Variants in COL9A1 observed in about 807,000 individuals in gnomAD.
COL9A1 encodes collagen type IX alpha 1 chain.
Under a neutral mutation model 142.6 loss-of-function variants are expected in COL9A1, and 104 were observed. The observed-to-expected ratio is 0.73, with a 90% CI of 0.62 to 0.86. The LOEUF (loss-of-function observed/expected upper bound fraction) is 0.86, where lower values mean the gene tolerates loss of function less well. Among genes scored for constraint, COL9A1 ranks in the 40% least tolerant of loss-of-function variants. The pLI is 0.00. For synonymous variants in COL9A1, 466 were observed against 396.0 expected, an observed-to-expected ratio of 1.18 and a Z score of -2.10; for missense variants, 1,210 against 1,176.6, an observed-to-expected ratio of 1.03 and a Z score of -0.42.
chr6:70,286,244 A>T (rs1479461570), intron 5 of COL9A1, among the ~76,000 whole-genome samples: 1 of 152,216 alleles, frequency 6.6e-6, no homozygotes, highest in Non-Finnish European at 1.5e-5. Context: ...TCAAGGTTAC[A>T]GTAATGCCCA....
chr6:70,235,292 A>C (rs2127560243), intron 33 of COL9A1, among the ~76,000 whole-genome samples: 1 of 152,214 alleles, frequency 6.6e-6, no homozygotes, highest in Admixed American at 6.5e-5. Flanking sequence ...GTCTCTACTA[A>C]AAATACAAAA....
In COL9A1 at chr6:70,266,704, C is replaced by T. The variant is rs1282623903; in HGVS notation, c.1341+13G>A. ...TAATCACAATTTATCCACTAAATAC[C>T]CATTTTCCTTACCTTGTGTCCTTGT... is the stretch of plus-strand genomic sequence containing the variant. On this transcript the variant is annotated intron_variant, in intron 18 of 37. Transcript: ENST00000357250. 2.5e-6 allele frequency: 4 copies of T among 1,605,912 alleles called. No individual in the cohort carries two copies. The African/African-American group carries it at 5.4e-5, about 21-fold the overall frequency.
chr6:70,298,765 T>G (rs1279564919), intron 4 of COL9A1, among the ~76,000 whole-genome samples: 1 of 152,232 alleles, frequency 6.6e-6, no homozygotes, highest in Non-Finnish European at 1.5e-5. Context: ...AAAACTGAAT[T>G]TTTAAAGCTT....
intron 28 of COL9A1, among the ~76,000 whole-genome samples, chr6:70,251,334 C>T (rs1031694098): frequency 1.6e-4 from 24 of 151,956 alleles, no homozygotes; most frequent in African/African-American, 2.9e-4. Context: ...CTCTTGAAGC[C>T]GGGAGTTCAA....
At chr6:70,274,862 C>G in intron 10 of COL9A1, 90 bp from the exon 11 acceptor site, 4 of 975,686 alleles carry the variant, frequency 4.1e-6, no homozygotes, top group Non-Finnish European at 6.5e-6. Flanking sequence ...TATTAATTGT[C>G]TACAGGATGG....
intron 22 of COL9A1, 26 bp downstream of exon 22, chr6:70,255,310 GC>G: frequency 2.5e-6 from 4 of 1,613,158 alleles, no homozygotes; most frequent in Non-Finnish European, 3.4e-6. Context: ...AAAGCAGGAG[GC>G]TTGGAGTGAC....
chr6:70,234,234 AAG>A (rs1769741282), intron 35 of COL9A1, among the ~76,000 whole-genome samples: 1 of 129,176 alleles, frequency 7.7e-6, no homozygotes, highest in Non-Finnish European at 1.9e-5. Context: ...CAAAGGAAAA[AAG>A]TGTGTGTGTG....
At chr6:70,236,420 G>A (rs1184406149) in intron 33 of COL9A1, among the ~76,000 whole-genome samples, 2 of 152,308 alleles carry the variant, frequency 1.3e-5, no homozygotes, top group South Asian at 2.1e-4. Context: ...TACTGCTGCT[G>A]TTCAGAATAA....
chr6:70,299,562 G>A (rs1248912084), intron 4 of COL9A1, among the ~76,000 whole-genome samples: 1 of 152,114 alleles, frequency 6.6e-6, no homozygotes, highest in Non-Finnish European at 1.5e-5. Flanking sequence ...TACTATCATT[G>A]TTTCTATTAT....
In COL9A1 at chr6:70,240,698, CCT is replaced by C; in HGVS notation, c.2068_2069del (p.Arg690GlyfsTer17). The C allele has an allele frequency of 1.9e-6, 3 of 1,612,936 alleles. No homozygotes were observed. Among genetic ancestry groups the C allele is most frequent in the Non-Finnish European group, 2.5e-6 (3 of 1,179,356 alleles). On this transcript the variant is annotated frameshift_variant, in exon 32 of 38. Coordinates refer to ENST00000357250, the MANE Select transcript of COL9A1 (RefSeq NM_001851.6). LOFTEE classifies it high-confidence loss of function. ...AAAAAAAAAATCTTACAAGTTCCCC[CCT>C]TTCTCCTGCTTCACCTTCTTCACCA... The part of the protein sequence containing the change: ...ASGEEGEAGE[R>X]GELGDIGLPG...
In COL9A1 at chr6:70,281,456, G is replaced by A. The variant is rs1199472181; in HGVS notation, c.810C>T (p.Pro270=). 1.9e-6 allele frequency: 3 copies of A among 1,612,234 alleles called. No homozygotes were observed. In the African/African-American group the frequency reaches 4.0e-5, roughly 22 times the overall value. The change falls in exon 8 of 38, where the codon CCC becomes CCT. Residue 270 remains proline (P), a synonymous_variant. Coordinates refer to ENST00000357250, the MANE Select transcript of COL9A1 (RefSeq NM_001851.6). ...TPSQTTDERG[P]PGEQGPPGPP... ...GCCCGGGAGGACCCTGCTCACCCGG[G>A]GGACCTCTCTGGCAAAAATAGCAGA... is the stretch of plus-strand genomic sequence containing the variant.
chr6:70,268,218 G>A (rs1046225191), intron 17 of COL9A1, among the ~76,000 whole-genome samples: 3 of 149,046 alleles, frequency 2.0e-5, no homozygotes, highest in Non-Finnish European at 3.0e-5. Context: ...TTAATAGGAA[G>A]CACTTTTTTT....
At chr6:70,247,311 T>C (rs1197380355) in intron 28 of COL9A1, among the ~76,000 whole-genome samples, 2 of 152,252 alleles carry the variant, frequency 1.3e-5, no homozygotes, top group African/African-American at 4.8e-5. Context: ...AGGTTTTCCT[T>C]TTAAAATGGA....
At chr6:70,226,050 T>A in intron 36 of COL9A1, 41 bp from the exon 37 acceptor site, 2 of 1,513,176 alleles carry the variant, frequency 1.3e-6, no homozygotes, top group Non-Finnish European at 1.8e-6. Context: ...TACATATCTA[T>A]AAAAATAAAC....
chr6:70,302,083 G>A lies in COL9A1; in HGVS notation c.15-9C>T. 1 of 1,603,580 alleles carries A rather than the reference G, an allele frequency of 6.2e-7. No individual in the cohort carries two copies. Among genetic ancestry groups the A allele is most frequent in the South Asian group, 1.1e-5 (1 of 89,456 alleles). On this transcript the variant is annotated splice_polypyrimidine_tract_variant and intron_variant, in intron 1 of 37. Coordinates refer to ENST00000357250, the MANE Select transcript of COL9A1 (RefSeq NM_001851.6). ...AGAAAACTGGAATTTTCCTGAAGAA[G>A]AGAGAAGAAAAATGACTGAAACAGG...
rs1177825428 is a variant in COL9A1, at chr6:70,294,455, G to GGAATCCT, written c.401_407dup (p.Ser137GlyfsTer13). ...TTATGCCAACTTGCTCCTTCCCAGA[G>GGAATCCT]GAATCCTGAATCTGCCAAATGTTCC... On this transcript the variant is annotated frameshift_variant, in exon 5 of 38. Transcript: ENST00000357250. LOFTEE classifies it high-confidence loss of function. The GGAATCCT allele has an allele frequency of 6.2e-7, 1 of 1,614,118 alleles. No individual in the cohort carries two copies. Among genetic ancestry groups the GGAATCCT allele is most frequent in the Admixed American group, 1.7e-5 (1 of 60,000 alleles).
intron 5 of COL9A1, among the ~76,000 whole-genome samples, chr6:70,284,599 G>A (rs1361489236): frequency 1.3e-5 from 2 of 152,194 alleles, no homozygotes; most frequent in Non-Finnish European, 2.9e-5. Context: ...AACAAACAGA[G>A]CAAGGAAAAT....
rs1348456714 is a variant in COL9A1, at chr6:70,255,173, G to A, written c.1588C>T (p.Leu530Phe). 2.5e-6 allele frequency: 4 copies of A among 1,614,188 alleles called. No individual in the cohort carries two copies. Among genetic ancestry groups the A allele is most frequent in the Admixed American group, 1.7e-5 (1 of 60,030 alleles). ...GAEGARGIPG[L>F]PGPKGDTGLP... is the part of the protein sequence containing the mutation. ...ACCGTGTCTCCTTTGGGCCCAGGGA[G>A]ACCAGGAATTCCTCTAGCACCTTCA... The change falls in exon 23 of 38, where the codon CTC becomes TTC. Residue 530 changes from leucine (L) to phenylalanine (F), a missense_variant. By Grantham distance (22) the Leu-to-Phe change is conservative (BLOSUM62 0). Coordinates refer to ENST00000357250, the MANE Select transcript of COL9A1 (RefSeq NM_001851.6).
chr6:70,252,625 GT>G (rs1231070797), intron 26 of COL9A1, among the ~76,000 whole-genome samples: 2 of 152,096 alleles, frequency 1.3e-5, no homozygotes, highest in Admixed American at 6.5e-5. Flanking sequence ...AATAATATAT[GT>G]CTTTCCTTTA....
Sources: gnomAD v4.1 joint callset for allele counts (sites outside exome capture counted in the v4.1 genomes callset) on GRCh38, gnomAD v4.1.1 for gene constraint, MANE v1.5 for transcripts, NCBI Gene and HGNC (gene_info 2026-07-23, HGNC 2026-07-21) for gene names.